KMT2C: variants seen among roughly 807,000 people sequenced by gnomAD.
KMT2C encodes the protein histone-lysine N-methyltransferase 2C.
KMT2C carries 88 observed loss-of-function variants against 507.9 expected under a neutral mutation model. That is an observed-to-expected ratio of 0.17 (90% CI 0.15 to 0.21). The LOEUF (loss-of-function observed/expected upper bound fraction) is 0.21. Ranked by LOEUF, KMT2C falls within the 10% of genes least tolerant of loss-of-function variation. The pLI, the probability that KMT2C is intolerant of heterozygous loss-of-function variation, is 1.00. For synonymous variants in KMT2C, 2,049 were observed against 2,080.8 expected, an observed-to-expected ratio of 0.98 and a Z score of 0.42; for missense variants, 4,954 against 5,957.8, an observed-to-expected ratio of 0.83 and a Z score of 5.55.
intron 46 of KMT2C, 84 bp from the exon 47 acceptor site, chr7:152,154,529 T>TTC: frequency 8.7e-7 from 1 of 1,155,098 alleles, no homozygotes; most frequent in Non-Finnish European, 1.3e-6. Flanking sequence ...CATCTGTGAA[T>TTC]ACAGCTGTAA....
Position 152,222,001 on chromosome 7 carries a change from C to A in KMT2C, c.3499G>T (p.Asp1167Tyr), listed in dbSNP as rs2129146559. ...AQIVTKVKELDPPKTYTQDGV... is the reference protein window; with the variant it reads ...AQIVTKVKELYPPKTYTQDGV... ...TCAAGTAAAGCATTTCAAATTTTAC[C>A]TAGCTCTTTTACTTTTGTGACAATT... The change falls in exon 22 of 59, where the codon GAC becomes TAC. Residue 1167 changes from aspartate to tyrosine, a missense_variant and splice_region_variant. Coordinates refer to ENST00000262189, the MANE Select transcript of KMT2C (RefSeq NM_170606.3). 2 of 1,598,484 alleles carry A rather than the reference C, an allele frequency of 1.3e-6. No individual in the cohort carries two copies. Among genetic ancestry groups the A allele is most frequent in the African/African-American group, 1.3e-5 (1 of 74,396 alleles).
intron 39 of KMT2C, among the ~76,000 whole-genome samples, chr7:152,171,803 T>A (rs929549853): frequency 1.6e-4 from 25 of 152,380 alleles, no homozygotes; most frequent in Admixed American, 1.2e-3. Context: ...AGCTTAGTTA[T>A]TTTATATTCT....
In KMT2C at chr7:152,264,669, T is replaced by G. The variant is rs569228790; in HGVS notation, c.1184+369A>C. On this transcript the variant is annotated intron_variant, in intron 8 of 58. Coordinates refer to ENST00000262189, the MANE Select transcript of KMT2C (RefSeq NM_170606.3). ...ATTAAATCTCCTCCCCAGTACCCCT[T>G]AAGAAAAACTACTTTATTCTTCTGT... Among the ~76,000 whole-genome samples the G allele has an allele frequency of 3.9e-4, 59 of 152,192 alleles. 1 individual carries two copies. The East Asian group carries it at 0.011, about 29-fold the overall frequency.
chr7:152,262,687 C>A (rs550773867), intron 9 of KMT2C, among the ~76,000 whole-genome samples: 89 of 152,178 alleles, frequency 5.8e-4, no homozygotes, highest in East Asian at 5.0e-3. Flanking sequence ...AGAAGCCAGA[C>A]CAAAAACGAG....
intron 2 of KMT2C, among the ~76,000 whole-genome samples, chr7:152,348,524 G>A (rs770523990): frequency 1.3e-4 from 20 of 149,982 alleles, no homozygotes; most frequent in South Asian, 4.2e-4. Context: ...GCCTGAACCC[G>A]GGAGGTGGAG....
In KMT2C at chr7:152,167,314, C is replaced by T; in HGVS notation, c.9582G>A (p.Gln3194=). ...LQETQQLLQM[Q]QKYLEEQIGA... ...CAATTTGTTCTTCAAGATACTTCTG[C>T]TGCATTTGAAGCAGCTGTTGGGTCT... The change falls in exon 42 of 59, where the codon CAG becomes CAA. Residue 3194 remains glutamine, a synonymous_variant. Transcript: ENST00000262189. 2 of 1,613,994 alleles carry T rather than the reference C, an allele frequency of 1.2e-6. No homozygotes were observed. The highest frequency in any genetic ancestry group is 1.6e-4 in the Middle Eastern group (1 of 6,062).
At chr7:152,327,418 T>C (rs1431593728) in intron 3 of KMT2C, among the ~76,000 whole-genome samples, 3 of 152,168 alleles carry the variant, frequency 2.0e-5, no homozygotes, top group African/African-American at 7.2e-5. Flanking sequence ...GGTTAAGAAC[T>C]ACAATGGGTT....
chr7:152,329,905 G>A (rs1430178821), intron 3 of KMT2C, among the ~76,000 whole-genome samples: 2 of 151,960 alleles, frequency 1.3e-5, no homozygotes, highest in African/African-American at 4.8e-5. Context: ...CAGCACTTTG[G>A]GAAGCCGAGG....
chr7:152,191,361 T>C (rs1280935491), intron 31 of KMT2C, among the ~76,000 whole-genome samples: 1 of 152,178 alleles, frequency 6.6e-6, no homozygotes, highest in Non-Finnish European at 1.5e-5. Context: ...TCTGGGCCCC[T>C]GGTTTATACA....
chr7:152,137,028 T>C (rs767781903), intron 58 of KMT2C, 104 bp from the exon 59 acceptor site: 16 of 841,320 alleles, frequency 1.9e-5, no homozygotes, highest in Non-Finnish European at 2.5e-5. Flanking sequence ...GAAACAGACG[T>C]AAATTAAGGA....
intron 6 of KMT2C, among the ~76,000 whole-genome samples, chr7:152,286,923 CAA>C (rs1385489684): frequency 4.0e-5 from 6 of 151,262 alleles, no homozygotes; most frequent in Non-Finnish European, 8.9e-5. Context: ...GCTACCAAGA[CAA>C]AAAACTCATA....
intron 3 of KMT2C, among the ~76,000 whole-genome samples, chr7:152,328,664 G>A (rs1025874197): frequency 1.3e-5 from 2 of 152,084 alleles, no homozygotes; most frequent in African/African-American, 4.8e-5. Flanking sequence ...ATTGGACTAT[G>A]GAAAGGTAAA....
At chr7:152,194,596 A>T (rs758331079) in intron 28 of KMT2C, 28 bp from the exon 29 acceptor site, 6 of 1,591,874 alleles carry the variant, frequency 3.8e-6, no homozygotes, top group Non-Finnish European at 5.2e-6. Flanking sequence ...ATAAATTTAA[A>T]GGTACATTCA....
chr7:152,289,228 A>G (rs2096363175), intron 6 of KMT2C, among the ~76,000 whole-genome samples: 1 of 152,256 alleles, frequency 6.6e-6, no homozygotes, highest in African/African-American at 2.4e-5. Context: ...AAAACTGTTG[A>G]TGCATTTCCA....
Position 152,182,595 on chromosome 7 carries a change from C to A in KMT2C, c.5266-1G>T. On this transcript the variant is annotated splice_acceptor_variant, in intron 35 of 58. Coordinates refer to ENST00000262189, the MANE Select transcript of KMT2C (RefSeq NM_170606.3). LOFTEE classifies it high-confidence loss of function. ...GCTGCTTACTTTTCTGACGCATTTG[C>A]TATTAAAATAGAAAAGAAAAAGCAA... 1 of 1,542,362 alleles carries A rather than the reference C, an allele frequency of 6.5e-7. No homozygotes were observed. The highest frequency in any genetic ancestry group is 8.7e-7 in the Non-Finnish European group (1 of 1,145,898).
intron 1 of KMT2C, among the ~76,000 whole-genome samples, chr7:152,383,233 G>C (rs1358999130): frequency 6.6e-6 from 1 of 152,124 alleles, no homozygotes; most frequent in Non-Finnish European, 1.5e-5. Context: ...TTCTGTTGTT[G>C]ATTATTTAAA....
In KMT2C at chr7:152,194,114, CT is replaced by C; in HGVS notation, c.4554del (p.Asp1519MetfsTer44). The C allele has an allele frequency of 6.3e-7, 1 of 1,575,982 alleles. No individual in the cohort carries two copies. Among genetic ancestry groups the C allele is most frequent in the African/African-American group, 1.4e-5 (1 of 72,750 alleles). On this transcript the variant is annotated frameshift_variant, in exon 31 of 59. Transcript: ENST00000262189. LOFTEE classifies it high-confidence loss of function. ...KLYKIPELGG[K>X]DVEDLFTAVL... The stretch of plus-strand genomic sequence containing the variant: ...ACAGCTGTAAATAAGTCTTCAACAT[CT>C]TTTCCGCCAAGCTCTAGGAGATAAA...
At chr7:152,368,409 AGAGATG>A in intron 1 of KMT2C, 1 of 1,129,434 alleles carries the variant, frequency 8.9e-7, no homozygotes. Flanking sequence ...TGAAGAAGAT[AGAGATG>A]GAGATGGAGC....
intron 1 of KMT2C, among the ~76,000 whole-genome samples, chr7:152,386,766 C>G (rs1480038151): frequency 6.6e-6 from 1 of 152,262 alleles, no homozygotes; most frequent in Admixed American, 6.5e-5. Flanking sequence ...TTTATGGACT[C>G]ATCACAACAA....
Sources: allele counts gnomAD v4.1 joint callset (sites outside exome capture counted in the v4.1 genomes callset), GRCh38; gene constraint gnomAD v4.1.1; transcripts MANE v1.5; gene names NCBI Gene and HGNC (gene_info 2026-07-23, HGNC 2026-07-21).